GRB14: variants seen among roughly 807,000 people sequenced by gnomAD.
The protein encoded by GRB14 is growth factor receptor bound protein 14, also known as growth factor receptor-bound protein 14.
GRB14 carries 38 observed loss-of-function variants against 69.1 expected under a neutral mutation model. The ratio of observed to expected loss-of-function variants is 0.55; its 90% CI spans 0.42 to 0.72. The LOEUF is 0.72. GRB14 is among the 30% of genes least tolerant of loss of function. The pLI, the probability that GRB14 is intolerant of heterozygous loss-of-function variation, is 0.00. For missense variants in GRB14, 666 were observed against 666.1 expected (o/e 1.00, Z 0.00); for synonymous variants, 247 against 241.3 (o/e 1.02, Z -0.22).
chr2:164,527,729 C>A (rs1277332992), intron 3 of GRB14, among the ~76,000 whole-genome samples: 1 of 151,780 alleles, frequency 6.6e-6, no homozygotes, highest in Non-Finnish European at 1.5e-5. Context: ...ACTTTCAAAG[C>A]TAATACCAAG....
chr2:164,533,408 A>G (rs1225881979), intron 3 of GRB14, among the ~76,000 whole-genome samples: 5 of 150,366 alleles, frequency 3.3e-5, no homozygotes, highest in South Asian at 2.1e-4. Flanking sequence ...AATTTTTCCT[A>G]TTTTTAGTAG....
chr2:164,581,196 CTTGGTCT>C (rs1209021923), intron 2 of GRB14, among the ~76,000 whole-genome samples: 4 of 152,148 alleles, frequency 2.6e-5, no homozygotes, highest in African/African-American at 9.7e-5. Flanking sequence ...TCTAACTGTG[CTTGGTCT>C]TTGTAGGAAG....
chr2:164,560,345 A>G (rs998646030), intron 2 of GRB14, among the ~76,000 whole-genome samples: 2 of 152,150 alleles, frequency 1.3e-5, no homozygotes, highest in African/African-American at 4.8e-5. Flanking sequence ...TTCACTTTTC[A>G]TAGCTTCTCG....
intron 2 of GRB14, among the ~76,000 whole-genome samples, chr2:164,563,372 C>A (rs543453840): frequency 2.6e-5 from 4 of 152,152 alleles, no homozygotes; most frequent in Admixed American, 2.6e-4. Flanking sequence ...CCTGATGAAT[C>A]CTGATTCTGG....
chr2:164,520,161 T>C (rs1417175745), intron 6 of GRB14, among the ~76,000 whole-genome samples: 5 of 151,830 alleles, frequency 3.3e-5, no homozygotes, highest in Non-Finnish European at 7.4e-5. Context: ...GGTATAAAAA[T>C]AGGCACATAG....
chr2:164,554,314 G>A (rs1360573730), intron 2 of GRB14, among the ~76,000 whole-genome samples: 1 of 152,104 alleles, frequency 6.6e-6, no homozygotes, highest in Non-Finnish European at 1.5e-5. Flanking sequence ...TTCCAGTGCA[G>A]TGGCCCAAAT....
At position 164,525,148 on chromosome 2, in the gene GRB14, T is replaced by G; in HGVS notation, c.604-70A>C. On this transcript the variant is annotated intron_variant, in intron 4 of 13. Coordinates refer to ENST00000263915, the MANE Select transcript of GRB14 (RefSeq NM_004490.3). ...AAAGATTCAATTATGACCAATATAGTAATCAAAAGCAAAAGTTCTTTAAAC... is the reference window on the plus strand; with the variant it reads ...AAAGATTCAATTATGACCAATATAGGAATCAAAAGCAAAAGTTCTTTAAAC... 4 of 1,042,940 alleles carry G rather than the reference T, an allele frequency of 3.8e-6. No individual in the cohort carries two copies. The East Asian group carries it at 1.0e-4, about 26-fold the overall frequency. 64.6% of individuals were successfully genotyped at this position (1,042,940 alleles called of 1,614,324 possible). A position where few individuals can be genotyped will look rare whatever the true frequency, so the allele number is the denominator to read the frequency against.
chr2:164,539,871 G>A (rs144531325), intron 3 of GRB14: 1 of 152,268 alleles, frequency 6.6e-6, no homozygotes, highest in Non-Finnish European at 1.5e-5. Flanking sequence ...AGATAGGTGG[G>A]GATCATTCCA....
Position 164,621,182 on chromosome 2 carries a change from G to T in GRB14, c.128C>A (p.Pro43His). 8.0e-7 allele frequency: 1 copy of T among 1,243,596 alleles called. No homozygotes were observed. The highest frequency in any genetic ancestry group is 1.0e-6 in the Non-Finnish European group (1 of 988,216). 77.0% of individuals were successfully genotyped at this position (1,243,596 alleles called of 1,614,324 possible). The stretch of plus-strand genomic sequence containing the variant: ...CAGGAGCGCTCGCGCGTGCAGCCAG[G>T]GGGCCGGCGCCAGGTCGTGGGCGTC... Reference protein sequence around the residue: ...RGDAHDLAPAPWLHARALLPL... With the variant: ...RGDAHDLAPAHWLHARALLPL... Residue 43 changes from proline (P) to histidine (H), a missense_variant, in exon 1 of 14, where the codon CCC becomes CAC. By Grantham distance (77) the Pro-to-His change is moderately conservative. Transcript: ENST00000263915. The surrounding 1 kb of genome is among the most constrained non-coding windows in gnomAD (Gnocchi z 6.0).
At chr2:164,569,075 G>A (rs1406695282) in intron 2 of GRB14, among the ~76,000 whole-genome samples, 2 of 151,940 alleles carry the variant, frequency 1.3e-5, no homozygotes, top group Admixed American at 6.6e-5. Context: ...TAAATACAAA[G>A]AGGGGATTAA....
chr2:164,607,916 T>C (rs1351790726), intron 2 of GRB14, among the ~76,000 whole-genome samples: 1 of 152,190 alleles, frequency 6.6e-6, no homozygotes, highest in Non-Finnish European at 1.5e-5. Context: ...TTATAATGTG[T>C]CTTATATATA....
chr2:164,561,658 G>A (rs1031949313), intron 2 of GRB14, among the ~76,000 whole-genome samples: 1 of 152,146 alleles, frequency 6.6e-6, no homozygotes, highest in East Asian at 1.9e-4. Flanking sequence ...GCAGAGGCCC[G>A]GACCTCTGTC....
At chr2:164,537,294 A>C (rs1219150780) in intron 3 of GRB14, among the ~76,000 whole-genome samples, 2 of 152,150 alleles carry the variant, frequency 1.3e-5, no homozygotes, top group African/African-American at 4.8e-5. Flanking sequence ...CTTTCCTGAC[A>C]TTTTTAACTA....
At chr2:164,551,286 A>T (rs1306367711) in intron 2 of GRB14, among the ~76,000 whole-genome samples, 1 of 152,164 alleles carries the variant, frequency 6.6e-6, no homozygotes, top group Admixed American at 6.5e-5. Flanking sequence ...TGTTCACATA[A>T]CCTTGGCACA....
At chr2:164,541,411 G>A (rs1002546691) in intron 3 of GRB14, among the ~76,000 whole-genome samples, 1 of 151,900 alleles carries the variant, frequency 6.6e-6, no homozygotes, top group Non-Finnish European at 1.5e-5. Flanking sequence ...GGCGAAGGGT[G>A]CAGTGAGCCA....
At chr2:164,498,316 T>A (rs1180077118) in intron 9 of GRB14, among the ~76,000 whole-genome samples, 1 of 152,190 alleles carries the variant, frequency 6.6e-6, no homozygotes, top group Admixed American at 6.6e-5. Context: ...TGCTAACTAC[T>A]TCTTGTATTT....
intron 3 of GRB14, among the ~76,000 whole-genome samples, chr2:164,545,648 G>A (rs1280126267): frequency 1.3e-5 from 2 of 152,212 alleles, no homozygotes; most frequent in Non-Finnish European, 2.9e-5. Context: ...GTTGCTTTAA[G>A]ACGAGTTTGT....
chr2:164,588,512 A>C (rs1463807962), intron 2 of GRB14, among the ~76,000 whole-genome samples: 2 of 152,134 alleles, frequency 1.3e-5, no homozygotes, highest in Middle Eastern at 3.2e-3. Flanking sequence ...GGAGAGAGAA[A>C]AGTACTCTTA....
In GRB14 at chr2:164,613,171, G is replaced by A. The variant is rs544829343; in HGVS notation, c.324+6516C>T. ...TTAAGTGAATTGAGACAAAGGAGCTGAACACTCTGAACTGGGTACGTTAAG... is the reference window on the plus strand; with the variant it reads ...TTAAGTGAATTGAGACAAAGGAGCTAAACACTCTGAACTGGGTACGTTAAG... On this transcript the variant is annotated intron_variant, in intron 2 of 13. Coordinates refer to ENST00000263915, the MANE Select transcript of GRB14 (RefSeq NM_004490.3). Among the ~76,000 whole-genome samples, 165 of 152,322 alleles carry A rather than the reference G, an allele frequency of 1.1e-3. 2 individuals are homozygous for A. The highest frequency in any genetic ancestry group is 3.8e-3 in the African/African-American group (159 of 41,580).
Sources: gnomAD v4.1 joint callset for allele counts (sites outside exome capture counted in the v4.1 genomes callset) on GRCh38, gnomAD v4.1.1 for gene constraint, Gnocchi (gnomAD v3.1) non-coding constraint, MANE v1.5 for transcripts, NCBI Gene and HGNC (gene_info 2026-07-23, HGNC 2026-07-21) for gene names.